Variants in CA2 observed in about 807,000 individuals in gnomAD.
The protein encoded by CA2 is carbonate dehydratase II.
CA2 carries 23 observed loss-of-function variants against 27.8 expected under a neutral mutation model. The observed-to-expected ratio is 0.83, with a 90% confidence interval of 0.59 to 1.17. The LOEUF is 1.17. Among genes scored for constraint, CA2 ranks in the 50% most tolerant of loss-of-function variants. The pLI is 0.00. For synonymous variants in CA2, 99 were observed against 114.9 expected (o/e 0.86, Z 0.88); for missense variants, 300 against 314.7 (o/e 0.95, Z 0.35).
At chr8:85,468,440 T>A (rs755066318) in intron 2 of CA2, among the ~76,000 whole-genome samples, 3 of 152,212 alleles carry the variant, frequency 2.0e-5, no homozygotes, top group Non-Finnish European at 4.4e-5. Flanking sequence ...AGAAAAGACA[T>A]CTACAGAATA....
chr8:85,466,184 T>TA (rs1476823955), intron 2 of CA2, among the ~76,000 whole-genome samples: 1 of 150,242 alleles, frequency 6.7e-6, no homozygotes, highest in Admixed American at 6.6e-5. Flanking sequence ...TTTTTTTTTT[T>TA]ATCTCTCTCT....
Position 85,464,077 on chromosome 8 carries a change from C to T in CA2, c.-5C>T. ...TCCTGCCCTGCCCCGACCGCCAGCG[C>T]GACCATGTCCCATCACTGGGGGTAC... On this transcript the variant is annotated 5_prime_UTR_variant, in exon 1 of 7. Transcript: ENST00000285379. 2 of 1,548,280 alleles carry T rather than the reference C, an allele frequency of 1.3e-6. No homozygotes were observed. The highest frequency in any genetic ancestry group is 1.7e-6 in the Non-Finnish European group (2 of 1,149,530).
In CA2 at chr8:85,480,785, A is replaced by C; in HGVS notation, c.779A>C (p.Lys260Thr). The C allele has an allele frequency of 6.2e-7, 1 of 1,613,800 alleles. No individual in the cohort carries two copies. Among genetic ancestry groups the C allele is most frequent in the South Asian group, 1.1e-5 (1 of 91,084 alleles). The change falls in exon 7 of 7, where the codon AAA becomes ACA. Residue 260 changes from lysine to threonine, a missense_variant. Lys to Thr is a moderately conservative substitution (Grantham distance 78). Around this residue, in one of 3 missense-constraint regions of CA2, gnomAD observed 173 missense variants for 161.0 expected, o/e 1.07. Coordinates refer to ENST00000285379, the MANE Select transcript of CA2 (RefSeq NM_000067.3). ...AACAGGCAAATCAAAGCTTCCTTCA[A>C]ATAAGATGGTCCCATAGTCTGTATC... The part of the protein sequence containing the change: ...LKNRQIKASF[K>T]
chr8:85,464,403 G>T, intron 1 of CA2: 1 of 407,188 alleles, frequency 2.5e-6, no homozygotes, highest in Non-Finnish European at 4.3e-6. Flanking sequence ...CCTGGCCGCG[G>T]GACCCGAGGA....
At chr8:85,468,812 A>G (rs2130549851) in intron 2 of CA2, among the ~76,000 whole-genome samples, 2 of 149,698 alleles carry the variant, frequency 1.3e-5, no homozygotes, top group South Asian at 4.2e-4. Context: ...AACCATGTGG[A>G]AAAACTCCCT....
In CA2 at chr8:85,465,305, C is replaced by T. The variant is rs1811610769; in HGVS notation, c.68C>T (p.Ala23Val). 2.5e-6 allele frequency: 4 copies of T among 1,614,132 alleles called. No homozygotes were observed. The highest frequency in any genetic ancestry group is 3.4e-6 in the Non-Finnish European group (4 of 1,179,988). The change falls in exon 2 of 7, where the codon GCC becomes GTC. Residue 23 changes from alanine to valine, a missense_variant. Physicochemically the swap from Ala to Val is moderately conservative, Grantham distance 64. Around this residue, in one of 3 missense-constraint regions of CA2, gnomAD observed 122 missense variants for 133.2 expected, o/e 0.92. Transcript: ENST00000285379. ...PEHWHKDFPI[A>V]KGERQSPVDI... The stretch of plus-strand genomic sequence containing the variant: ...CACTGGCATAAGGACTTCCCCATTG[C>T]CAAGGGAGAGCGCCAGTCCCCTGTT...
chr8:85,480,620 T>C lies in CA2; in HGVS notation c.664-50T>C. On this transcript the variant is annotated intron_variant, in intron 6 of 6. Transcript: ENST00000285379. Reference sequence around the variant, plus strand: ...TAAAGATATAACACAAGTATATAACTGAATACCATTGTGAAACATTAATTA... The same window carrying C: ...TAAAGATATAACACAAGTATATAACCGAATACCATTGTGAAACATTAATTA... 1.9e-6 allele frequency: 3 copies of C among 1,575,086 alleles called. No individual in the cohort carries two copies. In the South Asian group the frequency reaches 3.3e-5, roughly 17 times the overall value.
intron 2 of CA2, among the ~76,000 whole-genome samples, chr8:85,466,645 G>C (rs1441135074): frequency 6.7e-6 from 1 of 149,290 alleles, no homozygotes; most frequent in Non-Finnish European, 1.5e-5. Flanking sequence ...CTGTCTGTGT[G>C]CACCCCTCCC....
chr8:85,475,478 C>T (rs1053832603), intron 4 of CA2, among the ~76,000 whole-genome samples: 1 of 150,478 alleles, frequency 6.6e-6, no homozygotes, highest in Non-Finnish European at 1.5e-5. Flanking sequence ...GAAGGGAAGA[C>T]CATAGTGTAA....
At chr8:85,473,448 G>A (rs1056839046) in intron 2 of CA2, 25 of 613,824 alleles carry the variant, frequency 4.1e-5, no homozygotes, top group South Asian at 9.1e-5. Context: ...TCCAGACAAC[G>A]CATGTGAGGA....
chr8:85,464,212 C>A (rs572348136), intron 1 of CA2, 97 bp downstream of exon 1: 3 of 1,177,994 alleles, frequency 2.5e-6, no homozygotes, highest in Admixed American at 2.3e-5. Flanking sequence ...CCGCAGCGCC[C>A]GCACATGCTG....
intron 4 of CA2, among the ~76,000 whole-genome samples, chr8:85,475,476 G>A (rs935409695): frequency 1.3e-5 from 2 of 150,368 alleles, no homozygotes; most frequent in Admixed American, 6.7e-5. Context: ...AAGAAGGGAA[G>A]ACCATAGTGT....
At position 85,469,169 on chromosome 8, in the gene CA2, C is replaced by G. The variant is rs139995778; in HGVS notation, c.232+3700C>G. Among the ~76,000 whole-genome samples, 325 of 152,176 alleles carry G rather than the reference C, an allele frequency of 2.1e-3. 1 individual carries two copies. The highest frequency in any genetic ancestry group is 3.7e-3 in the Admixed American group (57 of 15,288). On this transcript the variant is annotated intron_variant, in intron 2 of 6. Coordinates refer to ENST00000285379, the MANE Select transcript of CA2 (RefSeq NM_000067.3). Reference sequence around the variant, plus strand: ...TTTTAAAAAATCGGCAGTTTAACATCTCTTTTTATTAGGAGTTATTTTTGT... The same window carrying G: ...TTTTAAAAAATCGGCAGTTTAACATGTCTTTTTATTAGGAGTTATTTTTGT...
intron 2 of CA2, 129 bp from the exon 3 acceptor site, chr8:85,473,564 A>G: frequency 1.4e-6 from 1 of 702,556 alleles, no homozygotes; most frequent in Non-Finnish European, 2.6e-6. Flanking sequence ...AGTACTGTAA[A>G]ACAGAATTAA....
intron 1 of CA2, chr8:85,464,913 T>TA (rs1811601660): frequency 3.9e-6 from 1 of 258,478 alleles, no homozygotes; most frequent in African/African-American, 2.2e-5. Flanking sequence ...TGAGCTTGCA[T>TA]ATCCCAAAAT....
At position 85,466,955 on chromosome 8, in the gene CA2, A is replaced by T. The variant is rs1237156377; in HGVS notation, c.232+1486A>T. On this transcript the variant is annotated intron_variant, in intron 2 of 6. Transcript: ENST00000285379. ...TACAGAAAGAATACTATAACATTTC[A>T]CGTCTAGTCATTTACAAACCAAAAG... is the stretch of plus-strand genomic sequence containing the variant. Among the ~76,000 whole-genome samples, 6 of 152,348 alleles carry T rather than the reference A, an allele frequency of 3.9e-5. No homozygotes were observed. In the East Asian group the frequency reaches 1.2e-3, roughly 29 times the overall value.
chr8:85,468,715 G>A (rs530299483), intron 2 of CA2, among the ~76,000 whole-genome samples: 8 of 152,014 alleles, frequency 5.3e-5, no homozygotes, highest in African/African-American at 7.2e-5. Context: ...AGCCGAGACC[G>A]CACCACTGCA....
At chr8:85,475,141 C>T (rs954794196) in intron 4 of CA2, among the ~76,000 whole-genome samples, 2 of 151,902 alleles carry the variant, frequency 1.3e-5, no homozygotes, top group African/African-American at 4.8e-5. Flanking sequence ...AATTCCATCT[C>T]TACAAAATTT....
rs564578504 is a variant in CA2, at chr8:85,464,382, G to A, written c.34+267G>A. 26 of 432,256 alleles carry A rather than the reference G, an allele frequency of 6.0e-5. No homozygotes were observed. In the South Asian group the frequency reaches 1.2e-3, roughly 21 times the overall value. 26.8% of individuals were successfully genotyped at this position (432,256 alleles called of 1,614,324 possible). ...GGAGGCGCGTAGGGCCCGAGGGAGG[G>A]GAGGCGCAGCCCTGGCCGCGGGACC... is the stretch of plus-strand genomic sequence containing the variant. On this transcript the variant is annotated intron_variant, in intron 1 of 6. Coordinates refer to ENST00000285379, the MANE Select transcript of CA2 (RefSeq NM_000067.3).
Sources: gnomAD v4.1 joint callset for allele counts (sites outside exome capture counted in the v4.1 genomes callset) on GRCh38, gnomAD v4.1.1 for gene constraint, gnomAD v4.1.1 regional missense constraint, MANE v1.5 for transcripts, NCBI Gene and HGNC (gene_info 2026-07-23, HGNC 2026-07-21) for gene names.